The following PATJ variants were observed in gnomAD, a reference collection of about 807,000 sequenced individuals.
The protein encoded by PATJ is PATJ crumbs cell polarity complex component.
Under a neutral mutation model 224.9 loss-of-function variants are expected in PATJ, and 190 were observed. The observed-to-expected ratio is 0.84, with a 90% confidence interval of 0.75 to 0.95. PATJ has a LOEUF of 0.95. Ranked by LOEUF, PATJ falls within the 40% of genes least tolerant of loss-of-function variation. The pLI, the probability that PATJ is intolerant of heterozygous loss-of-function variation, is 0.00. For missense variants in PATJ, 2,121 were observed against 2,270.3 expected, an observed-to-expected ratio of 0.93 and a Z score of 1.34; for synonymous variants, 769 against 820.3, an observed-to-expected ratio of 0.94 and a Z score of 1.07.
intron 26 of PATJ, among the ~76,000 whole-genome samples, chr1:61,926,964 T>A (rs530036926): frequency 6.6e-6 from 1 of 152,190 alleles, no homozygotes; most frequent in African/African-American, 2.4e-5. Context: ...CGGCTCCTAT[T>A]CTTTTTAGCA....
chr1:62,108,791 A>G (rs1663439739), intron 34 of PATJ, among the ~76,000 whole-genome samples: 1 of 152,128 alleles, frequency 6.6e-6, no homozygotes, highest in Non-Finnish European at 1.5e-5. Flanking sequence ...AAATGAGACT[A>G]TATAATATTG....
At chr1:61,752,154 AG>A (rs1257403475) in intron 1 of PATJ, among the ~76,000 whole-genome samples, 4 of 150,102 alleles carry the variant, frequency 2.7e-5, no homozygotes, top group Admixed American at 6.6e-5. Context: ...AAAAAAAAAA[AG>A]AAGCCTACCA....
rs186964519 is a variant in PATJ, at chr1:61,985,355, T to C, written c.3671-4813T>C. 4.0e-3 allele frequency among the ~76,000 whole-genome samples: 604 copies of C among 151,486 alleles called. 13 individuals are homozygous for C. The highest frequency in any genetic ancestry group is 0.014 in the African/African-American group (586 of 40,790). ...GTTTCAAAAGTCAGAATAATAAATC[T>C]ATAACTTAGTCCCTCAGTGGGATAT... is the stretch of plus-strand genomic sequence containing the variant. On this transcript the variant is annotated intron_variant, in intron 27 of 43. Coordinates refer to ENST00000642238, the MANE Select transcript of PATJ (RefSeq NM_001350145.3).
chr1:62,037,789 T>C (rs1055506201), intron 29 of PATJ, among the ~76,000 whole-genome samples, 188 bp from the exon 30 acceptor site: 1 of 152,146 alleles, frequency 6.6e-6, no homozygotes, highest in Non-Finnish European at 1.5e-5. Context: ...GCTACACATA[T>C]TTTTTATGCA....
intron 1 of PATJ, among the ~76,000 whole-genome samples, chr1:61,754,559 G>T (rs1570268778): frequency 8.5e-6 from 1 of 117,992 alleles, no homozygotes; most frequent in African/African-American, 3.3e-5. Context: ...ACAGGGTTCT[G>T]CTATGTTGCC....
chr1:61,990,028 G>A (rs1464238419), intron 27 of PATJ, 140 bp from the exon 28 acceptor site: 9 of 646,362 alleles, frequency 1.4e-5, no homozygotes, highest in African/African-American at 9.2e-5. Flanking sequence ...TCCAGTCTGC[G>A]CAATATAGCA....
intron 27 of PATJ, among the ~76,000 whole-genome samples, chr1:61,941,640 G>C (rs1402973720): frequency 6.6e-6 from 1 of 152,102 alleles, no homozygotes; most frequent in Non-Finnish European, 1.5e-5. Context: ...AACAGAGTGA[G>C]ACTCTGTCTC....
chr1:61,786,060 C>A (rs757916701), intron 7 of PATJ, among the ~76,000 whole-genome samples: 1 of 152,142 alleles, frequency 6.6e-6, no homozygotes, highest in African/African-American at 2.4e-5. Flanking sequence ...CTTGCTCTGT[C>A]GCCCAAGCTG....
intron 31 of PATJ, among the ~76,000 whole-genome samples, chr1:62,063,979 G>A (rs1432833806): frequency 4.6e-5 from 7 of 152,034 alleles, no homozygotes; most frequent in South Asian, 2.1e-4. Context: ...TCTCCTATTC[G>A]AATGCCTTTT....
chr1:62,035,644 C>T (rs547950928), intron 29 of PATJ, among the ~76,000 whole-genome samples: 127 of 135,638 alleles, frequency 9.4e-4, no homozygotes, highest in Non-Finnish European at 1.6e-3. Context: ...CTATGTTAAG[C>T]ACAAACACTT....
intron 27 of PATJ, among the ~76,000 whole-genome samples, chr1:61,964,650 G>T (rs777311630): frequency 6.6e-6 from 1 of 151,684 alleles, no homozygotes; most frequent in African/African-American, 2.4e-5. Flanking sequence ...TTAACTGGGC[G>T]TGGTGTGGCA....
intron 17 of PATJ, among the ~76,000 whole-genome samples, chr1:61,854,517 G>A (rs1011791368): frequency 4.6e-5 from 7 of 152,070 alleles, no homozygotes; most frequent in African/African-American, 1.2e-4. Flanking sequence ...TTTGTTTCCC[G>A]TTTCTTCTGA....
At chr1:62,007,588 C>T (rs2148292273) in intron 28 of PATJ, among the ~76,000 whole-genome samples, 1 of 152,314 alleles carries the variant, frequency 6.6e-6, no homozygotes, top group South Asian at 2.1e-4. Context: ...TCAATGAATA[C>T]TTTTTGGTTG....
chr1:61,989,080 C>T (rs1009431563), intron 27 of PATJ, among the ~76,000 whole-genome samples: 3 of 152,178 alleles, frequency 2.0e-5, no homozygotes, highest in East Asian at 3.8e-4. Flanking sequence ...ATGCTTAAAG[C>T]AGTACCATCC....
At chr1:61,979,403 C>T (rs773937329) in intron 27 of PATJ, among the ~76,000 whole-genome samples, 17 of 151,912 alleles carry the variant, frequency 1.1e-4, no homozygotes, top group Non-Finnish European at 2.1e-4. Context: ...GCCTGTAATC[C>T]CAGCACTTTG....
chr1:61,981,774 C>T (rs932070825), intron 27 of PATJ, among the ~76,000 whole-genome samples: 3 of 151,720 alleles, frequency 2.0e-5, no homozygotes, highest in African/African-American at 7.3e-5. Flanking sequence ...CAGATTCAAG[C>T]GATTCTCCTG....
At chr1:61,979,100 T>C (rs915182459) in intron 27 of PATJ, among the ~76,000 whole-genome samples, 2 of 152,042 alleles carry the variant, frequency 1.3e-5, no homozygotes, top group African/African-American at 2.4e-5. Flanking sequence ...CAAGCATGAG[T>C]GTTCAGCTGC....
chr1:62,108,794 TA>T (rs1332838596), intron 34 of PATJ, among the ~76,000 whole-genome samples: 1 of 152,064 alleles, frequency 6.6e-6, no homozygotes, highest in African/African-American at 2.4e-5. Context: ...TGAGACTATA[TA>T]ATATTGCAAA....
Position 61,861,687 on chromosome 1 carries a change from C to T in PATJ, c.2439+20C>T. The stretch of plus-strand genomic sequence containing the variant: ...CCCAAGGTATTTAATAAATTTATTT[C>T]CCATTTGAATGATTTGCTATGAGCT... On this transcript the variant is annotated intron_variant, in intron 19 of 43. Transcript: ENST00000642238. 1 of 1,089,202 alleles carries T rather than the reference C, an allele frequency of 9.2e-7. No individual in the cohort carries two copies. Among genetic ancestry groups the T allele is most frequent in the Non-Finnish European group, 1.3e-6 (1 of 773,448 alleles). 67.5% of individuals were successfully genotyped at this position (1,089,202 alleles called of 1,614,324 possible). A position where few individuals can be genotyped will look rare whatever the true frequency, so the allele number is the denominator to read the frequency against.
Sources: allele counts gnomAD v4.1 joint callset (sites outside exome capture counted in the v4.1 genomes callset), GRCh38; gene constraint gnomAD v4.1.1; transcripts MANE v1.5; gene names NCBI Gene and HGNC (gene_info 2026-07-23, HGNC 2026-07-21).